Variants in ADCY9 observed in about 807,000 individuals in gnomAD.
The protein encoded by ADCY9 is adenylate cyclase type 9.
ADCY9 carries 50 observed loss-of-function variants against 101.5 expected under a neutral mutation model. The observed-to-expected ratio is 0.49, with a 90% CI of 0.39 to 0.62. The LOEUF (loss-of-function observed/expected upper bound fraction) is 0.62. Among genes scored for constraint, ADCY9 ranks in the 20% least tolerant of loss-of-function variants. ADCY9 has a pLI of 0.00. For synonymous variants in ADCY9, 905 were observed against 769.3 expected (o/e 1.18, Z -2.92); for missense variants, 1,662 against 1,800.4 (o/e 0.92, Z 1.39).
intron 2 of ADCY9, among the ~76,000 whole-genome samples, chr16:4,062,335 CA>C (rs1471881017): frequency 6.6e-6 from 1 of 151,932 alleles, no homozygotes; most frequent in African/African-American, 2.4e-5. Flanking sequence ...AGAAACAGAA[CA>C]AAAAGATGTG....
chr16:4,016,242 C>T (rs1270440960), intron 2 of ADCY9, among the ~76,000 whole-genome samples: 2 of 152,052 alleles, frequency 1.3e-5, no homozygotes, highest in African/African-American at 4.8e-5. Flanking sequence ...TTGCAGACAA[C>T]AAAATGGAAA....
At chr16:4,099,924 C>T (rs2057031645) in intron 2 of ADCY9, among the ~76,000 whole-genome samples, 1 of 152,164 alleles carries the variant, frequency 6.6e-6, no homozygotes, top group Non-Finnish European at 1.5e-5. Flanking sequence ...CGTGGTGGTG[C>T]ACATGTGCAG....
At chr16:4,055,724 C>G (rs750240471) in intron 2 of ADCY9, among the ~76,000 whole-genome samples, 1 of 151,952 alleles carries the variant, frequency 6.6e-6, no homozygotes, top group Non-Finnish European at 1.5e-5. Flanking sequence ...GTCCCAGCTA[C>G]TTGGGAGGCT....
intron 2 of ADCY9, among the ~76,000 whole-genome samples, chr16:4,040,044 C>T (rs1373650429): frequency 1.3e-5 from 2 of 151,702 alleles, no homozygotes; most frequent in Non-Finnish European, 2.9e-5. Flanking sequence ...GTCTCAAATC[C>T]AAAAGAAAAG....
At chr16:4,022,562 C>A in intron 2 of ADCY9, among the ~76,000 whole-genome samples, 1 of 138,752 alleles carries the variant, frequency 7.2e-6, no homozygotes. Flanking sequence ...TTATTATATA[C>A]ATATATGTAT....
In ADCY9 at chr16:3,966,869, G is replaced by T; in HGVS notation, c.2968C>A (p.Leu990Ile). The T allele has an allele frequency of 6.2e-7, 1 of 1,614,222 alleles. No homozygotes were observed. The highest frequency in any genetic ancestry group is 1.3e-5 in the African/African-American group (1 of 75,068). Residue 990 changes from leucine (L) to isoleucine (I), a missense_variant, in exon 11 of 11, where the codon CTC becomes ATC. Physicochemically the swap from Leu to Ile is conservative, Grantham distance 5 (BLOSUM62 2). This residue lies in a region of ADCY9 where 624 missense variants were observed against 639.1 expected (regional missense o/e 0.98). Transcript: ENST00000294016. ...QEVVLVFFLL[L>I]LLVWFLNREF... ...CGATTCAGGAACCAGACCAACAAGA[G>T]CAGGAGAAAGAAGACGAGAACCACC...
In ADCY9 at chr16:3,974,695, C is replaced by T. The variant is rs137924284; in HGVS notation, c.2844G>A (p.Ser948=). The T allele has an allele frequency of 1.6e-5, 25 of 1,612,528 alleles. No homozygotes were observed. Among genetic ancestry groups the T allele is most frequent in the Middle Eastern group, 1.7e-4 (1 of 6,060 alleles). ...TGAAATTCTGTACTGCGTCAAGGGG[C>T]GAAGTTAATACAGAACTGAAATTAA... The part of the protein sequence containing the change: ...SLCPDSSVLT[S]PLDAVQNFSS... Residue 948 remains serine (S), a synonymous_variant, in exon 10 of 11, where the codon TCG becomes TCA. Transcript: ENST00000294016.
intron 2 of ADCY9, among the ~76,000 whole-genome samples, chr16:4,095,308 T>C (rs1488187889): frequency 1.3e-5 from 2 of 152,090 alleles, no homozygotes; most frequent in Non-Finnish European, 2.9e-5. Context: ...GCCCTCTAAT[T>C]TCTAATTACA....
intron 2 of ADCY9, among the ~76,000 whole-genome samples, chr16:4,037,499 G>C (rs1175974847): frequency 6.6e-6 from 1 of 151,786 alleles, no homozygotes; most frequent in Non-Finnish European, 1.5e-5. Flanking sequence ...CTTTGCTATT[G>C]CCAACATTGC....
chr16:4,038,234 T>C (rs760329326), intron 2 of ADCY9, among the ~76,000 whole-genome samples: 41 of 151,546 alleles, frequency 2.7e-4, no homozygotes, highest in Admixed American at 1.7e-3. Flanking sequence ...TGAGCCGTGA[T>C]TGCACCCCTG....
intron 2 of ADCY9, among the ~76,000 whole-genome samples, chr16:4,039,839 G>A (rs1482867327): frequency 6.6e-6 from 1 of 152,114 alleles, no homozygotes; most frequent in African/African-American, 2.4e-5. Flanking sequence ...GGGTGTTCAA[G>A]ACCAGCCTGG....
intron 2 of ADCY9, among the ~76,000 whole-genome samples, chr16:4,080,718 G>GTTT (rs35038759): frequency 1.5e-4 from 21 of 143,678 alleles, no homozygotes; most frequent in African/African-American, 2.3e-4. Flanking sequence ...CATTTTTTTC[G>GTTT]TTTTTTTTTT....
chr16:4,039,678 T>TC (rs1326707700), intron 2 of ADCY9, among the ~76,000 whole-genome samples: 1 of 74,952 alleles, frequency 1.3e-5, no homozygotes, highest in Non-Finnish European at 2.4e-5. Flanking sequence ...AAACTCTGTC[T>TC]CAAAAAAAAA....
At chr16:4,098,197 C>T (rs1665331089) in intron 2 of ADCY9, among the ~76,000 whole-genome samples, 2 of 151,606 alleles carry the variant, frequency 1.3e-5, no homozygotes, top group African/African-American at 4.8e-5. Flanking sequence ...GCAAACATGT[C>T]ATCTACGTTT....
At position 4,108,716 on chromosome 16, in the gene ADCY9, T is replaced by G. The variant is rs138191184; in HGVS notation, c.1693+5034A>C. Among the ~76,000 whole-genome samples, 517 of 147,318 alleles carry G rather than the reference T, an allele frequency of 3.5e-3. 4 individuals are homozygous for G. The highest frequency in any genetic ancestry group is 0.01 in the Admixed American group (153 of 14,642). On this transcript the variant is annotated intron_variant, in intron 2 of 10. Coordinates refer to ENST00000294016, the MANE Select transcript of ADCY9 (RefSeq NM_001116.4). Reference sequence around the variant, plus strand: ...TAACTGTCCCTCACACTTTTTTTTTTTTTTTTGAGACAGGGTCTCATTCTT... The same window carrying G: ...TAACTGTCCCTCACACTTTTTTTTTGTTTTTTGAGACAGGGTCTCATTCTT...
At chr16:4,030,423 C>G (rs1244097790) in intron 2 of ADCY9, among the ~76,000 whole-genome samples, 1 of 152,082 alleles carries the variant, frequency 6.6e-6, no homozygotes, top group East Asian at 1.9e-4. Flanking sequence ...ATATACTGAC[C>G]AGGGGCAGTG....
intron 5 of ADCY9, among the ~76,000 whole-genome samples, chr16:3,991,044 C>T (rs1405596346): frequency 6.6e-6 from 1 of 152,204 alleles, no homozygotes; most frequent in Non-Finnish European, 1.5e-5. Flanking sequence ...AGGTGATCTA[C>T]CTGCCTCGGC....
In ADCY9 at chr16:4,114,486, G is replaced by A. The variant is rs1313075758; in HGVS notation, c.957C>T (p.His319=). The A allele has an allele frequency of 8.7e-6, 14 of 1,613,948 alleles. No homozygotes were observed. The Admixed American group carries it at 2.2e-4, about 25-fold the overall frequency. The change falls in exon 2 of 11, where the codon CAC becomes CAT. Residue 319 remains histidine, a synonymous_variant. Transcript: ENST00000294016. The surrounding 1 kb of genome is among the most constrained non-coding windows in gnomAD (Gnocchi z 4.3). Reference sequence around the variant, plus strand: ...CTTTTTCCACTTCCAGGTCCTTCCCGTGCATAATGGATTGCCCCACCTTGA... The same window carrying A: ...CTTTTTCCACTTCCAGGTCCTTCCCATGCATAATGGATTGCCCCACCTTGA... The part of the protein sequence containing the change: ...TFLKVGQSIM[H]GKDLEVEKAL...
At chr16:3,970,388 C>T (rs1014470261) in intron 10 of ADCY9, among the ~76,000 whole-genome samples, 12 of 151,982 alleles carry the variant, frequency 7.9e-5, no homozygotes, top group Admixed American at 4.6e-4. Context: ...AGTGCAATGG[C>T]GCGACCTTGG....
Sources: gnomAD v4.1 joint callset for allele counts (sites outside exome capture counted in the v4.1 genomes callset) on GRCh38, gnomAD v4.1.1 for gene constraint, gnomAD v4.1.1 regional missense constraint, Gnocchi (gnomAD v3.1) non-coding constraint, MANE v1.5 for transcripts, NCBI Gene and HGNC (gene_info 2026-07-23, HGNC 2026-07-21) for gene names.